Variants in ENTPD7 observed in about 807,000 individuals in gnomAD.
The protein encoded by ENTPD7 is ectonucleoside triphosphate diphosphohydrolase 7, also known as NTPDase 7.
ENTPD7 carries 53 observed loss-of-function variants against 77.9 expected under a neutral mutation model. The ratio of observed to expected loss-of-function variants is 0.68; its 90% CI spans 0.55 to 0.85. ENTPD7 has a LOEUF of 0.85. Among genes scored for constraint, ENTPD7 ranks in the 40% least tolerant of loss-of-function variants. The pLI is 0.00. For missense variants in ENTPD7, 636 were observed against 743.7 expected (o/e 0.86, Z 1.68); for synonymous variants, 248 against 274.9 (o/e 0.90, Z 0.97).
At chr10:99,699,000 C>T (rs1486767779) in intron 10 of ENTPD7, 142 bp downstream of exon 10, 2 of 736,398 alleles carry the variant, frequency 2.7e-6, no homozygotes, top group Non-Finnish European at 2.2e-6. Flanking sequence ...ACTCATTTTA[C>T]AGATGAGGAA....
chr10:99,677,477 G>T (rs1430235202), intron 3 of ENTPD7, among the ~76,000 whole-genome samples: 1 of 147,376 alleles, frequency 6.8e-6, no homozygotes, highest in Non-Finnish European at 1.5e-5. Flanking sequence ...CGATTCTCCT[G>T]CCTCAGCCTC....
intron 3 of ENTPD7, among the ~76,000 whole-genome samples, chr10:99,672,127 G>A (rs1210950722): frequency 6.6e-6 from 1 of 152,016 alleles, no homozygotes; most frequent in African/African-American, 2.4e-5. Context: ...GATTATAGGT[G>A]CATGCCACCG....
chr10:99,660,425 A>G, intron 2 of ENTPD7: 1 of 1,056,890 alleles, frequency 9.5e-7, no homozygotes, highest in Non-Finnish European at 1.3e-6. Context: ...ATGTGGATCT[A>G]CATGCACCAA....
chr10:99,699,326 A>G (rs1223631251), intron 10 of ENTPD7, among the ~76,000 whole-genome samples: 4 of 152,218 alleles, frequency 2.6e-5, no homozygotes, highest in Non-Finnish European at 5.9e-5. Context: ...CCCTGGGAAT[A>G]TTAGATGTTG....
chr10:99,682,769 T>C (rs1456574354), intron 5 of ENTPD7, among the ~76,000 whole-genome samples: 3 of 152,154 alleles, frequency 2.0e-5, no homozygotes, highest in Admixed American at 1.3e-4. Flanking sequence ...GGGAAGAATA[T>C]AGATGACACA....
chr10:99,697,256 T>G (rs1337793320), intron 9 of ENTPD7, among the ~76,000 whole-genome samples: 1 of 152,210 alleles, frequency 6.6e-6, no homozygotes, highest in Non-Finnish European at 1.5e-5. Context: ...CTGAAAGTAC[T>G]CCTAAATCTA....
chr10:99,664,450 CTT>C (rs1209558702), intron 3 of ENTPD7, among the ~76,000 whole-genome samples: 19 of 131,230 alleles, frequency 1.4e-4, no homozygotes, highest in Admixed American at 2.3e-4. Flanking sequence ...TTTACATTTT[CTT>C]TTTTTTTTTT....
Position 99,708,786 on chromosome 10 carries a change from T to C in ENTPD7, c.*4103T>C, listed in dbSNP as rs913841316. 5.1e-6 allele frequency: 5 copies of C among 981,760 alleles called. No homozygotes were observed. The East Asian group carries it at 5.7e-4, about 111-fold the overall frequency. 60.8% of individuals were successfully genotyped at this position (981,760 alleles called of 1,614,324 possible). On this transcript the variant is annotated 3_prime_UTR_variant, in exon 13 of 13. Coordinates refer to ENST00000370489, the MANE Select transcript of ENTPD7 (RefSeq NM_020354.5). ...GTGATAAAACTGAGGCCTAGAGCAG[T>C]TGTAATATGTGCAAAGTCATAGTGA...
At position 99,690,827 on chromosome 10, in the gene ENTPD7, C is replaced by T. The variant is rs145156054; in HGVS notation, c.710-558C>T. ...CATAATTTTTAAATAATAAAACCAA[C>T]AATATTGTTAACAAGACTACTGCGA... On this transcript the variant is annotated intron_variant, in intron 7 of 12. Coordinates refer to ENST00000370489, the MANE Select transcript of ENTPD7 (RefSeq NM_020354.5). Among the ~76,000 whole-genome samples, 449 of 152,256 alleles carry T rather than the reference C, an allele frequency of 2.9e-3. 1 individual carries two copies. Among genetic ancestry groups the T allele is most frequent in the Non-Finnish European group, 4.7e-3 (320 of 68,020 alleles).
chr10:99,695,947 G>A lies in ENTPD7; in HGVS notation c.844-9G>A, dbSNP rs1189714164. The A allele has an allele frequency of 6.2e-7, 1 of 1,610,402 alleles. No homozygotes were observed. The highest frequency in any genetic ancestry group is 8.5e-7 in the Non-Finnish European group (1 of 1,178,822). On this transcript the variant is annotated splice_polypyrimidine_tract_variant and intron_variant, in intron 8 of 12. Coordinates refer to ENST00000370489, the MANE Select transcript of ENTPD7 (RefSeq NM_020354.5). Reference sequence around the variant, plus strand: ...AAAATTCCCTTTTTCTCTTGGTATTGTATTATAGGAAGAAGCTGCCAAGAT... The same window carrying A: ...AAAATTCCCTTTTTCTCTTGGTATTATATTATAGGAAGAAGCTGCCAAGAT...
chr10:99,682,158 A>G (rs2035761728), intron 5 of ENTPD7, among the ~76,000 whole-genome samples: 2 of 147,322 alleles, frequency 1.4e-5, no homozygotes, highest in South Asian at 4.2e-4. Flanking sequence ...GGCATCAGGT[A>G]TTTCCTTATT....
chr10:99,670,622 T>G (rs1169923471), intron 3 of ENTPD7, among the ~76,000 whole-genome samples: 1 of 152,216 alleles, frequency 6.6e-6, no homozygotes, highest in Non-Finnish European at 1.5e-5. Context: ...GTACACATGT[T>G]GCTGCACTGA....
In ENTPD7 at chr10:99,710,441, T is replaced by C; in HGVS notation, c.*5758T>C. ...GAGTGTAGTGAAAGACATCTTTTTA[T>C]TATGATCTACACTTTAAAAAACCAA... On this transcript the variant is annotated 3_prime_UTR_variant, in exon 13 of 13. Coordinates refer to ENST00000370489, the MANE Select transcript of ENTPD7 (RefSeq NM_020354.5). 1.0e-6 allele frequency: 1 copy of C among 980,272 alleles called. No individual in the cohort carries two copies. The highest frequency in any genetic ancestry group is 1.2e-6 in the Non-Finnish European group (1 of 827,880). 60.7% of individuals were successfully genotyped at this position (980,272 alleles called of 1,614,324 possible).
chr10:99,685,902 G>T lies in ENTPD7; in HGVS notation c.652+7G>T. ...ATCTCTGGGAAGCAGGAAGGTACTG[G>T]GCCTTAAGGGGTGCAGCTGGTTAAC... On this transcript the variant is annotated splice_region_variant and intron_variant, in intron 6 of 12. Coordinates refer to ENST00000370489, the MANE Select transcript of ENTPD7 (RefSeq NM_020354.5). 6.3e-7 allele frequency: 1 copy of T among 1,599,464 alleles called. No individual in the cohort carries two copies. The highest frequency in any genetic ancestry group is 8.6e-7 in the Non-Finnish European group (1 of 1,167,816).
chr10:99,683,921 CTTCT>C (rs891093692), intron 5 of ENTPD7, among the ~76,000 whole-genome samples: 2 of 152,024 alleles, frequency 1.3e-5, no homozygotes, highest in Admixed American at 1.3e-4. Context: ...CAGTATTTCT[CTTCT>C]TTATTTTATT....
At chr10:99,681,847 TTCAAG>T (rs2035758634) in intron 5 of ENTPD7, among the ~76,000 whole-genome samples, 1 of 152,348 alleles carries the variant, frequency 6.6e-6, no homozygotes, top group Admixed American at 6.5e-5. Flanking sequence ...GAAATGTCTA[TTCAAG>T]TCTTTAGCCC....
chr10:99,696,995 C>T (rs952556798), intron 9 of ENTPD7, among the ~76,000 whole-genome samples: 1 of 152,216 alleles, frequency 6.6e-6, no homozygotes, highest in Admixed American at 6.5e-5. Flanking sequence ...GCAAACAACA[C>T]ACTTACCTAC....
intron 5 of ENTPD7, among the ~76,000 whole-genome samples, chr10:99,684,534 G>A (rs1718572646): frequency 6.6e-6 from 1 of 152,090 alleles, no homozygotes; most frequent in Non-Finnish European, 1.5e-5. Flanking sequence ...GTATAACAAT[G>A]AACTTTTTTT....
chr10:99,677,351 G>T (rs963495242), intron 3 of ENTPD7, among the ~76,000 whole-genome samples: 1 of 150,170 alleles, frequency 6.7e-6, no homozygotes, highest in Admixed American at 6.6e-5. Flanking sequence ...GATGAGCAGG[G>T]CAGATAGCTT....
Sources: allele counts gnomAD v4.1 joint callset (sites outside exome capture counted in the v4.1 genomes callset), GRCh38; gene constraint gnomAD v4.1.1; transcripts MANE v1.5; gene names NCBI Gene and HGNC (gene_info 2026-07-23, HGNC 2026-07-21).